CCDC33: variants seen among roughly 807,000 people sequenced by gnomAD.
The protein encoded by CCDC33 is coiled-coil domain containing 33, also known as coiled-coil domain-containing protein 33.
In CCDC33, 94 loss-of-function variants were observed where a neutral mutation model predicts 91.9. The observed-to-expected ratio is 1.02, with a 90% CI of 0.87 to 1.21. The LOEUF (loss-of-function observed/expected upper bound fraction) is 1.21, where lower values mean the gene tolerates loss of function less well. CCDC33 is among the 50% of genes most tolerant of loss of function. The pLI is 0.00. For synonymous variants in CCDC33, 396 were observed against 374.5 expected, an observed-to-expected ratio of 1.06 and a Z score of -0.66; for missense variants, 940 against 935.5, an observed-to-expected ratio of 1.00 and a Z score of -0.06.
intron 17 of CCDC33, 130 bp downstream of exon 17, chr15:74,334,097 C>T (rs1391525621): frequency 6.4e-6 from 5 of 783,054 alleles, no homozygotes; most frequent in African/African-American, 5.2e-5. Flanking sequence ...TGGCCAGGGT[C>T]GGGGTTCAGT....
At chr15:74,295,582 T>G (rs942099617) in intron 10 of CCDC33, among the ~76,000 whole-genome samples, 172 bp from the exon 11 acceptor site, 1 of 151,992 alleles carries the variant, frequency 6.6e-6, no homozygotes, top group African/African-American at 2.4e-5. Flanking sequence ...AAGGGCCATG[T>G]ATTTGGGACC....
At chr15:74,263,185 T>C (rs537333645) in intron 3 of CCDC33, among the ~76,000 whole-genome samples, 1 of 152,236 alleles carries the variant, frequency 6.6e-6, no homozygotes, top group African/African-American at 2.4e-5. Flanking sequence ...TGCACACTTA[T>C]ATTTACTTTC....
chr15:74,276,952 GTC>G (rs141330618), intron 7 of CCDC33, among the ~76,000 whole-genome samples: 23 of 146,748 alleles, frequency 1.6e-4, no homozygotes, highest in African/African-American at 4.9e-4. Flanking sequence ...GTGTGTGTGT[GTC>G]TGTCTGTCTG....
At chr15:74,265,358 C>T (rs1048969085) in intron 3 of CCDC33, among the ~76,000 whole-genome samples, 4 of 152,114 alleles carry the variant, frequency 2.6e-5, no homozygotes, top group South Asian at 2.1e-4. Context: ...CCTTTCTTAC[C>T]TCATCTCTCT....
At chr15:74,314,028 C>G (rs1596099167) in intron 11 of CCDC33, among the ~76,000 whole-genome samples, 1 of 152,354 alleles carries the variant, frequency 6.6e-6, no homozygotes, top group Non-Finnish European at 1.5e-5. Context: ...CACACCTGTG[C>G]TCCTGCTGTT....
rs557169335 is a variant in CCDC33 at position 74,328,487 on chromosome 15, C to CCTGA, written c.1291-1698_1291-1695dup. Among the ~76,000 whole-genome samples the CCTGA allele has an allele frequency of 5.3e-5, 8 of 152,322 alleles. No individual in the cohort carries two copies. The South Asian group carries it at 1.7e-3, about 32-fold the overall frequency. ...GGCCAAGCTGGCCTGCTGATCTGGG[C>CCTGA]CTGACTGCAAAGCCCTGTGTGTGTG... On this transcript the variant is annotated intron_variant, in intron 11 of 18. Coordinates refer to ENST00000398814, the MANE Select transcript of CCDC33 (RefSeq NM_025055.5).
At position 74,333,959 on chromosome 15, in the gene CCDC33, G is replaced by A; in HGVS notation, c.2017G>A (p.Glu673Lys). 1.2e-6 allele frequency: 2 copies of A among 1,613,322 alleles called. No individual in the cohort carries two copies. Among genetic ancestry groups the A allele is most frequent in the Non-Finnish European group, 1.7e-6 (2 of 1,179,494 alleles). ...EHAQSRILSL[E>K]SQLEDSARRW... is the part of the protein sequence containing the mutation. ...CGCTCAGAGCCGGATCCTGTCCCTG[G>A]AAAGCCAGGTGGGTGAGATGCAGGA... Residue 673 changes from glutamate (E) to lysine (K), a missense_variant, in exon 17 of 19, where the codon GAA (glutamate) becomes AAA (lysine). Coordinates refer to ENST00000398814, the MANE Select transcript of CCDC33 (RefSeq NM_025055.5).
chr15:74,242,351 C>G (rs772917062), intron 1 of CCDC33, among the ~76,000 whole-genome samples: 15 of 152,226 alleles, frequency 9.9e-5, no homozygotes, highest in Non-Finnish European at 2.1e-4. Flanking sequence ...CCCAGCCTGC[C>G]GAGGCTGCCA....
upstream of CCDC33, among the ~76,000 whole-genome samples, chr15:74,215,370 C>G (rs1392872059): frequency 1.3e-5 from 2 of 152,052 alleles, no homozygotes; most frequent in Non-Finnish European, 2.9e-5. Flanking sequence ...TTGCCAGGAG[C>G]TGGGGGGAGG....
rs548562042 is a variant in CCDC33, at chr15:74,312,282, G to A, written c.1290+16334G>A. 2.6e-5 allele frequency among the ~76,000 whole-genome samples: 4 copies of A among 152,302 alleles called. No homozygotes were observed. The East Asian group carries it at 7.7e-4, about 29-fold the overall frequency. ...TGAATAGTGTCCCTTGGACACCCCC[G>A]CTAGGCACATCTTCCTGAAGGGGTT... On this transcript the variant is annotated intron_variant, in intron 11 of 18. Transcript: ENST00000398814.
chr15:74,296,004 G>A, intron 11 of CCDC33, 56 bp downstream of exon 11: 1 of 1,464,516 alleles, frequency 6.8e-7, no homozygotes, highest in Admixed American at 2.1e-5. Flanking sequence ...CCATGGGAAG[G>A]GGACTTGACT....
intron 7 of CCDC33, among the ~76,000 whole-genome samples, chr15:74,274,384 G>A (rs894617682): frequency 5.9e-5 from 9 of 152,216 alleles, no homozygotes; most frequent in Admixed American, 2.6e-4. Context: ...ATTCCTAGGG[G>A]CCTTGGGGGA....
At chr15:74,254,020 C>T (rs2075788171) in intron 2 of CCDC33, among the ~76,000 whole-genome samples, 1 of 151,958 alleles carries the variant, frequency 6.6e-6, no homozygotes, top group South Asian at 2.1e-4. Flanking sequence ...CAGCCTCTCT[C>T]AATTTTATTT....
At chr15:74,318,239 G>A (rs2060132920) in intron 11 of CCDC33, among the ~76,000 whole-genome samples, 2 of 152,102 alleles carry the variant, frequency 1.3e-5, no homozygotes, top group Admixed American at 6.5e-5. Context: ...CAGAGAAAGT[G>A]GAGAAGAGCG....
exon 1 of CCDC33, chr15:74,203,097 G>C: frequency 2.0e-6 from 2 of 985,564 alleles, no homozygotes; most frequent in Non-Finnish European, 2.4e-6. Context: ...AGCAACAACC[G>C]AGTGAGACGG....
At chr15:74,237,559 T>C (rs571922258) in intron 1 of CCDC33, among the ~76,000 whole-genome samples, 2 of 152,300 alleles carry the variant, frequency 1.3e-5, no homozygotes, top group South Asian at 4.1e-4. Flanking sequence ...TGATTTCCAC[T>C]TCATTACTCT....
intron 11 of CCDC33, among the ~76,000 whole-genome samples, chr15:74,326,257 C>G (rs1037331570): frequency 7.2e-5 from 11 of 152,168 alleles, no homozygotes; most frequent in Non-Finnish European, 1.0e-4. Flanking sequence ...CCCAGAAGTT[C>G]GAGGTTGCAG....
chr15:74,330,730 T>C lies in CCDC33; in HGVS notation c.1524T>C (p.His508=). The C allele has an allele frequency of 1.2e-6, 2 of 1,613,340 alleles. No homozygotes were observed. Among genetic ancestry groups the C allele is most frequent in the Non-Finnish European group, 8.5e-7 (1 of 1,179,904 alleles). The change falls in exon 13 of 19, where the codon CAT becomes CAC. Residue 508 remains histidine, a synonymous_variant. Transcript: ENST00000398814. The part of the protein sequence containing the change: ...DMKKLRDRVQ[H]LQNELIRKND... ...AGAAACTGAGGGACAGGGTGCAGCA[T>C]TTGCAGAATGAGCTGATTCGAGTGA... is the stretch of plus-strand genomic sequence containing the variant.
chr15:74,208,398 T>C (rs1334340205), intron 1 of CCDC33, among the ~76,000 whole-genome samples: 2 of 152,128 alleles, frequency 1.3e-5, no homozygotes, highest in African/African-American at 4.8e-5. Flanking sequence ...GCCACCGTGG[T>C]GTGGCCTTGA....
Sources: allele counts gnomAD v4.1 joint callset (sites outside exome capture counted in the v4.1 genomes callset), GRCh38; gene constraint gnomAD v4.1.1; transcripts MANE v1.5; gene names NCBI Gene and HGNC (gene_info 2026-07-23, HGNC 2026-07-21).